The following RGS6 variants were observed in gnomAD, a reference collection of about 807,000 sequenced individuals.
The protein encoded by RGS6 is regulator of G-protein signaling 6.
A neutral mutation model predicts 78.5 loss-of-function variants in RGS6; 30 were observed. That is an observed-to-expected ratio of 0.38 (90% CI 0.29 to 0.52). The LOEUF is 0.52. Among genes scored for constraint, RGS6 ranks in the 20% least tolerant of loss-of-function variants. RGS6 has a pLI of 0.85. For synonymous variants in RGS6, 206 were observed against 206.0 expected (o/e 1.00, Z 0.00); for missense variants, 495 against 609.7 (o/e 0.81, Z 1.98).
intron 17 of RGS6, among the ~76,000 whole-genome samples, chr14:72,542,401 G>C (rs973055215): frequency 6.6e-6 from 1 of 152,226 alleles, no homozygotes; most frequent in Non-Finnish European, 1.5e-5. Flanking sequence ...CTTGCAATTT[G>C]ATAGCCATTC....
chr14:72,582,537 T>C, the RGS6 span, among the ~76,000 whole-genome samples: 3 of 152,050 alleles, frequency 2.0e-5, no homozygotes, highest in South Asian at 6.2e-4. Flanking sequence ...GATGGCAAAA[T>C]CACATATGAA....
the RGS6 span, among the ~76,000 whole-genome samples, chr14:72,604,177 T>A: frequency 6.6e-6 from 1 of 152,180 alleles, no homozygotes; most frequent in East Asian, 1.9e-4. Flanking sequence ...ATGTGGCAAC[T>A]AGGCTCCATG....
chr14:72,486,930 C>T (rs139358029), intron 12 of RGS6, among the ~76,000 whole-genome samples: 7 of 152,110 alleles, frequency 4.6e-5, no homozygotes, highest in Non-Finnish European at 1.0e-4. Flanking sequence ...CTCTGCCCAG[C>T]GTGGGGTGTT....
chr14:72,063,326 GGAGAAAT>G (rs1169562441), intron 2 of RGS6, among the ~76,000 whole-genome samples: 4 of 152,118 alleles, frequency 2.6e-5, no homozygotes, highest in Non-Finnish European at 5.9e-5. Flanking sequence ...CAAGGAGGAA[GGAGAAAT>G]GAGAAATGAA....
intron 2 of RGS6, among the ~76,000 whole-genome samples, chr14:72,070,289 G>T (rs528681835): frequency 1.3e-5 from 2 of 152,160 alleles, no homozygotes; most frequent in Non-Finnish European, 2.9e-5. Context: ...CTCCTAGAAA[G>T]TATTTAAGGT....
intron 2 of RGS6, among the ~76,000 whole-genome samples, chr14:72,161,454 T>C (rs907287590): frequency 6.6e-6 from 1 of 152,124 alleles, no homozygotes; most frequent in Non-Finnish European, 1.5e-5. Context: ...TGAGGAAATA[T>C]TCTAAGTTTC....
At chr14:72,390,090 CTTTT>C (rs767640465) in intron 3 of RGS6, among the ~76,000 whole-genome samples, 1 of 117,402 alleles carries the variant, frequency 8.5e-6, no homozygotes. Context: ...AGCTATAGTT[CTTTT>C]TTTTTTTTTT....
chr14:72,459,675 C>T lies in RGS6; in HGVS notation c.386C>T (p.Thr129Ile), dbSNP rs780727622. 1 of 1,614,158 alleles carries T rather than the reference C, an allele frequency of 6.2e-7. No homozygotes were observed. Among genetic ancestry groups the T allele is most frequent in the Non-Finnish European group, 8.5e-7 (1 of 1,180,020 alleles). Residue 129 changes from threonine (T) to isoleucine (I), a missense_variant, in exon 6 of 18, where the codon ACT (threonine) becomes ATT (isoleucine). Coordinates refer to ENST00000553525, the MANE Select transcript of RGS6 (RefSeq NM_001204424.2). ...TCGAACTGCTGGGAACCTGAAAACA[C>T]TGACTATGGTGAGAACTGAAGCCAC... ...WPSNCWEPEN[T>I]DYAIYLCKRT...
chr14:72,105,462 C>T (rs911841345), intron 2 of RGS6, among the ~76,000 whole-genome samples: 1 of 152,166 alleles, frequency 6.6e-6, no homozygotes, highest in Non-Finnish European at 1.5e-5. Flanking sequence ...AATGTATTAG[C>T]TAGATAAATC....
chr14:71,930,482 A>T (rs2087791857), upstream of RGS6, among the ~76,000 whole-genome samples: 2 of 152,264 alleles, frequency 1.3e-5, no homozygotes, highest in East Asian at 1.9e-4. Flanking sequence ...CTACATAGAT[A>T]TATCAGGAAT....
At chr14:71,971,499 C>G (rs369017375) in intron 2 of RGS6, among the ~76,000 whole-genome samples, 1 of 152,024 alleles carries the variant, frequency 6.6e-6, no homozygotes, top group South Asian at 2.1e-4. Flanking sequence ...CTTCTGGGTC[C>G]GGACATCCTT....
chr14:72,585,682 G>C, the RGS6 span, among the ~76,000 whole-genome samples: 4 of 152,202 alleles, frequency 2.6e-5, no homozygotes, highest in African/African-American at 9.6e-5. Context: ...TCTCCCAGGA[G>C]CTAGAGGAAT....
chr14:72,453,793 G>A (rs897166633), intron 3 of RGS6, among the ~76,000 whole-genome samples: 1 of 151,986 alleles, frequency 6.6e-6, no homozygotes, highest in African/African-American at 2.4e-5. Flanking sequence ...GTCCATGGTT[G>A]GAACCGTGGC....
At chr14:72,591,666 G>C in the RGS6 span, among the ~76,000 whole-genome samples, 1 of 152,200 alleles carries the variant, frequency 6.6e-6, no homozygotes, top group Non-Finnish European at 1.5e-5. Context: ...ACTGTGTCCA[G>C]TGACCTGCAC....
the RGS6 span, among the ~76,000 whole-genome samples, chr14:71,884,618 G>T: frequency 6.6e-6 from 1 of 152,158 alleles, no homozygotes; most frequent in Non-Finnish European, 1.5e-5. Flanking sequence ...TTTGTCTCGG[G>T]AAAGTGATCC....
intron 13 of RGS6, among the ~76,000 whole-genome samples, chr14:72,508,270 G>C (rs1055403273): frequency 5.9e-5 from 9 of 152,328 alleles, no homozygotes; most frequent in Non-Finnish European, 1.0e-4. Context: ...TGTTGGTGAA[G>C]AAGTAGTTGG....
intron 3 of RGS6, among the ~76,000 whole-genome samples, chr14:72,422,011 G>A (rs915100721): frequency 2.6e-5 from 4 of 152,128 alleles, no homozygotes; most frequent in African/African-American, 7.2e-5. Context: ...TGAATCATGC[G>A]GGCAGGTCTT....
chr14:72,474,728 C>T, intron 10 of RGS6, 29 bp downstream of exon 10: 1 of 1,584,484 alleles, frequency 6.3e-7, no homozygotes, highest in Non-Finnish European at 8.6e-7. Context: ...GTTAAAAATT[C>T]CTGATGTGAA....
the RGS6 span, among the ~76,000 whole-genome samples, chr14:72,616,790 C>A: frequency 2.0e-5 from 3 of 152,162 alleles, no homozygotes; most frequent in African/African-American, 7.2e-5. Context: ...AAAAAAGAGA[C>A]CAATTTAAAG....
Sources: allele counts gnomAD v4.1 joint callset (sites outside exome capture counted in the v4.1 genomes callset), GRCh38; gene constraint gnomAD v4.1.1; transcripts MANE v1.5; gene names NCBI Gene and HGNC (gene_info 2026-07-23, HGNC 2026-07-21).